SHANK2: variants seen among roughly 807,000 people sequenced by gnomAD.
The protein encoded by SHANK2 is SH3 and multiple ankyrin repeat domains 2, also known as SH3 and multiple ankyrin repeat domains protein 2.
Under a neutral mutation model 133.7 loss-of-function variants are expected in SHANK2, and 43 were observed. The ratio of observed to expected loss-of-function variants is 0.32; its 90% CI spans 0.25 to 0.41. The LOEUF (loss-of-function observed/expected upper bound fraction) is 0.41, where lower values mean the gene tolerates loss of function less well. SHANK2 is among the 10% of genes least tolerant of loss of function. SHANK2 has a pLI of 1.00. For missense variants in SHANK2, 1,994 were observed against 2,235.8 expected (o/e 0.89, Z 2.18); for synonymous variants, 1,017 against 952.8 (o/e 1.07, Z -1.24).
chr11:70,502,064 A>G (rs2059062111), intron 19 of SHANK2, 133 bp from the exon 20 acceptor site: 6 of 1,316,092 alleles, frequency 4.6e-6, no homozygotes, highest in Non-Finnish European at 4.3e-6. Flanking sequence ...ATGCAGGGGC[A>G]TTTCCTGATG....
At chr11:70,475,755 G>A (rs1555149981) in intron 25 of SHANK2, among the ~76,000 whole-genome samples, 1 of 152,162 alleles carries the variant, frequency 6.6e-6, no homozygotes. Flanking sequence ...TTTTCCAGAG[G>A]GCTGGGTGCC....
Position 70,652,349 on chromosome 11 carries a change from T to C in SHANK2, c.2061+7479A>G, listed in dbSNP as rs1359865466. ...GGAAGTGTCCGACGTACTTGGCACA[T>C]GGTGGGTGTGCCCTGTGACTGCTAC... is the stretch of plus-strand genomic sequence containing the variant. On this transcript the variant is annotated intron_variant, in intron 17 of 25. Transcript: ENST00000601538. Among the ~76,000 whole-genome samples, 2 of 152,158 alleles carry C rather than the reference T, an allele frequency of 1.3e-5. 1 individual carries two copies. The highest frequency in any genetic ancestry group is 4.8e-5 in the African/African-American group (2 of 41,450).
At chr11:70,737,127 G>A (rs1815854) in intron 14 of SHANK2, among the ~76,000 whole-genome samples, 56,177 of 151,992 alleles carry the variant, frequency 0.37, 10,518 homozygotes, top group Non-Finnish European at 0.37. Context: ...TCCTGGGACT[G>A]CCAGCCCTGC....
intron 14 of SHANK2, among the ~76,000 whole-genome samples, chr11:70,758,629 A>G (rs1209683101): frequency 4.6e-5 from 7 of 152,184 alleles, no homozygotes; most frequent in African/African-American, 1.7e-4. Flanking sequence ...CCATCTTGCA[A>G]GTGGCCCGCC....
intron 17 of SHANK2, among the ~76,000 whole-genome samples, chr11:70,652,002 G>A (rs1288144511): frequency 2.6e-5 from 4 of 152,242 alleles, no homozygotes; most frequent in African/African-American, 7.2e-5. Flanking sequence ...TGAGCTGTGT[G>A]ATGTGGCTGA....
At chr11:70,558,718 C>T (rs782612389) in intron 17 of SHANK2, among the ~76,000 whole-genome samples, 8 of 152,058 alleles carry the variant, frequency 5.3e-5, no homozygotes, top group Non-Finnish European at 1.2e-4. Flanking sequence ...GTGAGTGAAC[C>T]GAAAGAGACA....
At chr11:70,731,979 G>T (rs557479538) in intron 14 of SHANK2, among the ~76,000 whole-genome samples, 1 of 152,200 alleles carries the variant, frequency 6.6e-6, no homozygotes, top group African/African-American at 2.4e-5. Flanking sequence ...CACTCCTGTG[G>T]CCTCCTCCTC....
chr11:70,495,016 G>T (rs968987767), intron 21 of SHANK2, among the ~76,000 whole-genome samples: 5 of 152,220 alleles, frequency 3.3e-5, no homozygotes, highest in African/African-American at 9.6e-5. Flanking sequence ...GCTTCTCAGG[G>T]AACTGGTCAG....
At chr11:71,065,862 G>A (rs1951048353) in intron 9 of SHANK2, among the ~76,000 whole-genome samples, 1 of 133,034 alleles carries the variant, frequency 7.5e-6, no homozygotes, top group African/African-American at 2.8e-5. Context: ...AGGGAGATGA[G>A]CGGTGAGTGG....
At position 70,594,830 on chromosome 11, in the gene SHANK2, G is replaced by C. The variant is rs187117638; in HGVS notation, c.2061+64998C>G. Among the ~76,000 whole-genome samples, 455 of 152,288 alleles carry C rather than the reference G, an allele frequency of 3.0e-3. 4 individuals are homozygous for C. Among genetic ancestry groups the C allele is most frequent in the African/African-American group, 0.01 (433 of 41,554 alleles). ...CGTCTGCCCTTTCGCTATGGCCCAAGGCAGCTGCGGATTCCCACCCATGCT... is the reference window on the plus strand; with the variant it reads ...CGTCTGCCCTTTCGCTATGGCCCAACGCAGCTGCGGATTCCCACCCATGCT... On this transcript the variant is annotated intron_variant, in intron 17 of 25. Coordinates refer to ENST00000601538, the MANE Select transcript of SHANK2 (RefSeq NM_012309.5).
intron 11 of SHANK2, among the ~76,000 whole-genome samples, chr11:70,865,586 G>C (rs114833978): frequency 6.6e-6 from 1 of 152,164 alleles, no homozygotes; most frequent in Non-Finnish European, 1.5e-5. Context: ...GCCTCAGGGT[G>C]GGGTGGGGTG....
At chr11:70,829,121 A>G (rs76421590) in intron 11 of SHANK2, among the ~76,000 whole-genome samples, 584 of 152,286 alleles carry the variant, frequency 3.8e-3, no homozygotes, top group Non-Finnish European at 6.4e-3. Flanking sequence ...CCCTGGGACC[A>G]TGTGACAATC....
At chr11:71,189,433 G>C (rs1477507285) in intron 2 of SHANK2, among the ~76,000 whole-genome samples, 3 of 152,206 alleles carry the variant, frequency 2.0e-5, no homozygotes, top group African/African-American at 7.2e-5. Flanking sequence ...GTCCCACCCT[G>C]TTGTCCAGGC....
chr11:70,662,144 C>T (rs1944565181), intron 15 of SHANK2: 2 of 350,302 alleles, frequency 5.7e-6, no homozygotes, highest in South Asian at 2.9e-5. Flanking sequence ...GAAAATCAGC[C>T]AGAGGAGAAA....
chr11:71,070,652 T>C (rs1951131058), intron 9 of SHANK2, among the ~76,000 whole-genome samples: 1 of 152,230 alleles, frequency 6.6e-6, no homozygotes, highest in African/African-American at 2.4e-5. Flanking sequence ...AAGAATGGCC[T>C]GCAGGCCAAA....
At chr11:70,879,465 A>T (rs1174884817) in intron 11 of SHANK2, among the ~76,000 whole-genome samples, 2 of 152,088 alleles carry the variant, frequency 1.3e-5, no homozygotes, top group African/African-American at 4.8e-5. Flanking sequence ...GGTGAGGGAG[A>T]GAGGTTGTTA....
intron 3 of SHANK2, among the ~76,000 whole-genome samples, chr11:71,134,586 T>G (rs1474595979): frequency 6.6e-6 from 1 of 151,870 alleles, no homozygotes; most frequent in Non-Finnish European, 1.5e-5. Flanking sequence ...ATTATAGGCG[T>G]GCATCACCAC....
intron 14 of SHANK2, among the ~76,000 whole-genome samples, chr11:70,706,934 T>C (rs1591769253): frequency 6.6e-6 from 1 of 152,222 alleles, no homozygotes; most frequent in South Asian, 2.1e-4. Context: ...CTGGGGAGAT[T>C]CCAGTGGCCT....
chr11:70,559,214 T>C (rs1397575976), intron 17 of SHANK2, among the ~76,000 whole-genome samples: 1 of 152,078 alleles, frequency 6.6e-6, no homozygotes, highest in Non-Finnish European at 1.5e-5. Flanking sequence ...GAGATGGGGT[T>C]TCACCATGTT....
Sources: allele counts gnomAD v4.1 joint callset (sites outside exome capture counted in the v4.1 genomes callset), GRCh38; gene constraint gnomAD v4.1.1; transcripts MANE v1.5; gene names NCBI Gene and HGNC (gene_info 2026-07-23, HGNC 2026-07-21).